Variants in GAB4 observed in about 807,000 individuals in gnomAD.
The protein encoded by GAB4 is GRB2-associated-binding protein 4.
Under a neutral mutation model 51.3 loss-of-function variants are expected in GAB4, and 26 were observed. That is an observed-to-expected ratio of 0.51 (90% CI 0.37 to 0.70). The LOEUF (loss-of-function observed/expected upper bound fraction) is 0.70, where lower values mean the gene tolerates loss of function less well. GAB4 is among the 30% of genes least tolerant of loss of function. The pLI is 0.00. For synonymous variants in GAB4, 329 were observed against 291.2 expected (o/e 1.13, Z -1.32); for missense variants, 759 against 734.6 (o/e 1.03, Z -0.38).
rs773693236 is a variant in GAB4, at chr22:16,966,133, G to C, written c.1255C>G (p.Pro419Ala). 5.6e-6 allele frequency: 9 copies of C among 1,613,944 alleles called. No individual in the cohort carries two copies. The highest frequency in any genetic ancestry group is 6.8e-6 in the Non-Finnish European group (8 of 1,180,020). ...TTAGGCTTGAGGCTGCGGTTGACAGGGGGCAGCTGGACCTCATGTCCCTGG... is the reference window on the plus strand; with the variant it reads ...TTAGGCTTGAGGCTGCGGTTGACAGCGGGCAGCTGGACCTCATGTCCCTGG... The part of the protein sequence containing the change: ...LSQGHEVQLP[P>A]VNRSLKPNQK... The change falls in exon 6 of 10, where the codon CCT (proline) becomes GCT (alanine). Residue 419 changes from proline (P) to alanine (A), a missense_variant. Physicochemically the swap from Pro to Ala is conservative, Grantham distance 27 (BLOSUM62 -1). Around this residue, in one of 3 missense-constraint regions of GAB4, gnomAD observed 588 missense variants for 510.2 expected, o/e 1.15. Transcript: ENST00000400588.
chr22:16,966,565 C>A, intron 5 of GAB4: 1 of 581,618 alleles, frequency 1.7e-6, no homozygotes, highest in Non-Finnish European at 3.0e-6. Flanking sequence ...ATGGATGGGG[C>A]CCCTCTGGGC....
intron 1 of GAB4, among the ~76,000 whole-genome samples, chr22:16,999,379 G>A (rs868215472): frequency 7.2e-5 from 11 of 152,296 alleles, no homozygotes; most frequent in Middle Eastern, 3.4e-3. Flanking sequence ...GAGGGTGCAT[G>A]TGTCCAGGAA....
intron 3 of GAB4, among the ~76,000 whole-genome samples, chr22:16,981,574 A>T (rs2060827795): frequency 6.6e-6 from 1 of 152,182 alleles, no homozygotes; most frequent in Middle Eastern, 3.2e-3. Flanking sequence ...AGGTTGAATC[A>T]TGAAGAAATA....
chr22:16,987,848 G>A, intron 3 of GAB4, 112 bp downstream of exon 3: 1 of 789,164 alleles, frequency 1.3e-6, no homozygotes, highest in Admixed American at 2.8e-5. Flanking sequence ...TTGCTTACCT[G>A]GAAAGATATA....
rs770153199 is a variant in GAB4, at chr22:16,992,060, G to A, written c.291C>T (p.Asn97=). 5.6e-6 allele frequency: 9 copies of A among 1,614,080 alleles called. No individual in the cohort carries two copies. The African/African-American group carries it at 1.2e-4, about 22-fold the overall frequency. Residue 97 remains asparagine, a synonymous_variant, in exon 2 of 10, where the codon AAC becomes AAT. Transcript: ENST00000400588. The part of the protein sequence containing the change: ...SKKPLRTINL[N]LCEQLDVDVT... ...CATCAACATCCAGCTGCTCACAGAG[G>A]TTCAGGTTGATGGTGCGCAGGGGCT...
Position 16,962,144 on chromosome 22 carries a change from G to A in GAB4, c.*589C>T. On this transcript the variant is annotated 3_prime_UTR_variant, in exon 10 of 10. Coordinates refer to ENST00000400588, the MANE Select transcript of GAB4 (RefSeq NM_001037814.1). ...CCCTTCCTTTTGCCCTTCCCTCTCT[G>A]CCTCTCCCACCCGGGAGCAGCTGCC... 2 of 153,274 alleles carry A rather than the reference G, an allele frequency of 1.3e-5. No homozygotes were observed. The highest frequency in any genetic ancestry group is 2.9e-5 in the Non-Finnish European group (2 of 68,598). 9.5% of individuals were successfully genotyped at this position (153,274 alleles called of 1,614,324 possible).
chr22:16,998,952 G>GTA (rs146660692), intron 1 of GAB4, among the ~76,000 whole-genome samples: 3,057 of 152,244 alleles, frequency 0.02, 101 homozygotes, highest in African/African-American at 0.07. Context: ...TTATTGATGT[G>GTA]TGTATGTTGA....
intron 3 of GAB4, among the ~76,000 whole-genome samples, chr22:16,973,547 C>A (rs2060751331): frequency 6.6e-6 from 1 of 152,150 alleles, no homozygotes; most frequent in Non-Finnish European, 1.5e-5. Flanking sequence ...GTCTAAACCC[C>A]ATCCCTGGGT....
intron 1 of GAB4, 79 bp from the exon 2 acceptor site, chr22:16,992,255 A>T: frequency 7.6e-7 from 1 of 1,309,610 alleles, no homozygotes; most frequent in Non-Finnish European, 1.1e-6. Context: ...TCACTAAGTT[A>T]AGGATGGGAC....
At chr22:16,982,122 T>G (rs944307496) in intron 3 of GAB4, among the ~76,000 whole-genome samples, 5 of 151,914 alleles carry the variant, frequency 3.3e-5, no homozygotes, top group African/African-American at 1.2e-4. Context: ...CAGGGAAAAA[T>G]GAAAAGCCTT....
intron 1 of GAB4, among the ~76,000 whole-genome samples, chr22:16,994,926 G>A (rs1423064080): frequency 6.6e-6 from 1 of 152,182 alleles, no homozygotes; most frequent in Non-Finnish European, 1.5e-5. Context: ...GTTTTTCACA[G>A]ATACGACTAA....
At chr22:16,970,592 G>A (rs2060722671) in intron 3 of GAB4, among the ~76,000 whole-genome samples, 1 of 152,194 alleles carries the variant, frequency 6.6e-6, no homozygotes, top group Non-Finnish European at 1.5e-5. Context: ...GTTCCCTGCT[G>A]TGAGCATTGC....
At chr22:16,971,143 G>A (rs1442412380) in intron 3 of GAB4, among the ~76,000 whole-genome samples, 2 of 152,176 alleles carry the variant, frequency 1.3e-5, no homozygotes, top group Non-Finnish European at 2.9e-5. Context: ...GCAGTGAGCT[G>A]AGATCATGCT....
At chr22:16,997,623 G>A (rs1472785039) in intron 1 of GAB4, among the ~76,000 whole-genome samples, 2 of 152,138 alleles carry the variant, frequency 1.3e-5, no homozygotes, top group East Asian at 3.8e-4. Context: ...TTCTCTTGCT[G>A]TGCAGAAGTT....
Position 16,962,673 on chromosome 22 carries a change from AGT to A in GAB4, c.*58_*59del. ...GGTCCCTGATATTACAGAGCTTTAG[AGT>A]GTGGCGGAGCAGCTCTGAGGCACTG... On this transcript the variant is annotated 3_prime_UTR_variant, in exon 10 of 10. Transcript: ENST00000400588. 1 of 1,490,236 alleles carries A rather than the reference AGT, an allele frequency of 6.7e-7. No individual in the cohort carries two copies. The highest frequency in any genetic ancestry group is 1.2e-5 in the South Asian group (1 of 83,086). The allele number at this position is 1,490,236 out of a possible 1,614,324, so 92.3% of individuals were successfully genotyped here.
rs761618061 is a variant in GAB4 at position 16,988,055 on chromosome 22, C to T, written c.591G>A (p.Pro197=). ...PQEQEPTSEP[P]VSHCVPPTWP... is the part of the protein sequence containing the mutation. ...AGGTGGGCGGCACACAGTGAGACAC[C>T]GGGGGCTCAGATGTGGGTTCTTGTT... Residue 197 remains proline (P), a synonymous_variant, in exon 3 of 10, where the codon CCG becomes CCA. Coordinates refer to ENST00000400588, the MANE Select transcript of GAB4 (RefSeq NM_001037814.1). 5.0e-6 allele frequency: 8 copies of T among 1,607,280 alleles called. No homozygotes were observed. The East Asian group carries it at 6.7e-5, about 13-fold the overall frequency.
At chr22:16,975,169 C>A (rs148377076) in intron 3 of GAB4, among the ~76,000 whole-genome samples, 62 of 152,282 alleles carry the variant, frequency 4.1e-4, no homozygotes, top group African/African-American at 1.3e-3. Flanking sequence ...ACTGTTCATT[C>A]CCCTGAAAAT....
At chr22:16,975,468 T>A (rs1300008889) in intron 3 of GAB4, among the ~76,000 whole-genome samples, 5 of 152,126 alleles carry the variant, frequency 3.3e-5, no homozygotes. Flanking sequence ...AGATTCTTCC[T>A]CTCTGGGCAG....
intron 5 of GAB4, 69 bp from the exon 6 acceptor site, chr22:16,966,433 G>C: frequency 4.7e-6 from 7 of 1,487,744 alleles, no homozygotes; most frequent in Non-Finnish European, 6.4e-6. Flanking sequence ...AGAATTTCTA[G>C]ACAAGGCCAA....
Sources: allele counts gnomAD v4.1 joint callset (sites outside exome capture counted in the v4.1 genomes callset), GRCh38; gene constraint gnomAD v4.1.1; regional missense constraint gnomAD v4.1.1; transcripts MANE v1.5; gene names NCBI Gene and HGNC (gene_info 2026-07-23, HGNC 2026-07-21).